PDCD6IP: variants seen among roughly 807,000 people sequenced by gnomAD.
PDCD6IP encodes programmed cell death 6 interacting protein.
Under a neutral mutation model 103.7 loss-of-function variants are expected in PDCD6IP, and 43 were observed. The observed-to-expected ratio is 0.41, with a 90% CI of 0.32 to 0.53. The LOEUF is 0.53. Among genes scored for constraint, PDCD6IP ranks in the 20% least tolerant of loss-of-function variants. The probability of loss-of-function intolerance (pLI) is 0.16; values close to 1 mark genes in which losing one functional copy is unlikely to be tolerated. For missense variants in PDCD6IP, 871 were observed against 1,036.7 expected (o/e 0.84, Z 2.20); for synonymous variants, 354 against 378.7 (o/e 0.93, Z 0.76).
intron 15 of PDCD6IP, among the ~76,000 whole-genome samples, chr3:33,861,537 A>G (rs1201605720): frequency 6.6e-6 from 1 of 152,234 alleles, no homozygotes; most frequent in Non-Finnish European, 1.5e-5. Flanking sequence ...TGTATTAGAC[A>G]GTACATGCTT....
chr3:33,841,433 CTTTTTTTTTTTTTT>C (rs1301369045), intron 9 of PDCD6IP, among the ~76,000 whole-genome samples: 2 of 60,954 alleles, frequency 3.3e-5, no homozygotes, highest in Non-Finnish European at 2.9e-5. Context: ...CTTTGCTTTG[CTTTTTTTTTTTTTT>C]TTTTTTTTTG....
chr3:33,827,112 A>G (rs888129735), intron 6 of PDCD6IP: 3 of 985,334 alleles, frequency 3.0e-6, no homozygotes, highest in African/African-American at 3.5e-5. Flanking sequence ...GAAAGCAACC[A>G]TCTTAAACCA....
chr3:33,826,662 A>T lies in PDCD6IP; in HGVS notation c.717+82A>T, dbSNP rs1349627369. The T allele has an allele frequency of 1.9e-6, 3 of 1,556,062 alleles. No individual in the cohort carries two copies. The South Asian group carries it at 3.5e-5, about 18-fold the overall frequency. On this transcript the variant is annotated intron_variant, in intron 6 of 17. Coordinates refer to ENST00000307296, the MANE Select transcript of PDCD6IP (RefSeq NM_013374.6). ...TTTTGTGTATAAGAAGCAAGTTGAA[A>T]CTTATAAAGAAATTTGAAGTTTTAA...
rs778425415 is a variant in PDCD6IP, at chr3:33,836,229, T to C, written c.1020T>C (p.Ser340=). 8 of 1,612,178 alleles carry C rather than the reference T, an allele frequency of 5.0e-6. No individual in the cohort carries two copies. In the African/African-American group the frequency reaches 8.0e-5, roughly 16 times the overall value. ...TTGGCAAAGCCACACTTGTGAAATC[T>C]ACCCCGGTCAATGTACCCATCAGTC... ...DPIGKATLVK[S]TPVNVPISQK... The change falls in exon 8 of 18, where the codon TCT becomes TCC. Residue 340 remains serine (S), a synonymous_variant. Coordinates refer to ENST00000307296, the MANE Select transcript of PDCD6IP (RefSeq NM_013374.6).
chr3:33,836,315 C>T, intron 8 of PDCD6IP, 49 bp downstream of exon 8: 1 of 1,066,222 alleles, frequency 9.4e-7, no homozygotes, highest in Non-Finnish European at 1.4e-6. Flanking sequence ...CTCTAGTTTA[C>T]TCTGTTTTTC....
intron 15 of PDCD6IP, 75 bp from the exon 16 acceptor site, chr3:33,863,931 A>G: frequency 1.1e-6 from 1 of 946,988 alleles, no homozygotes; most frequent in Non-Finnish European, 1.7e-6. Flanking sequence ...ATGTATGAAG[A>G]AAAGAAAAGC....
At chr3:33,815,083 C>T (rs867421890) in intron 3 of PDCD6IP, among the ~76,000 whole-genome samples, 43 of 148,296 alleles carry the variant, frequency 2.9e-4, no homozygotes, top group Middle Eastern at 7.7e-3. Flanking sequence ...ATAGTATGTG[C>T]ATACCATATA....
chr3:33,835,857 C>T (rs989870273), intron 7 of PDCD6IP, among the ~76,000 whole-genome samples, 187 bp from the exon 8 acceptor site: 1 of 152,124 alleles, frequency 6.6e-6, no homozygotes, highest in Admixed American at 6.5e-5. Flanking sequence ...TATGTATTAT[C>T]CTTCAGTTTT....
At chr3:33,860,149 A>G (rs1273468945) in intron 15 of PDCD6IP, among the ~76,000 whole-genome samples, 1 of 152,224 alleles carries the variant, frequency 6.6e-6, no homozygotes, top group East Asian at 1.9e-4. Flanking sequence ...ATTCTAAGGA[A>G]GAAAGATTGG....
chr3:33,845,419 A>C lies in PDCD6IP; in HGVS notation c.1472A>C (p.Glu491Ala). 1.2e-6 allele frequency: 2 copies of C among 1,610,768 alleles called. No individual in the cohort carries two copies. The highest frequency in any genetic ancestry group is 1.7e-6 in the Non-Finnish European group (2 of 1,178,114). Residue 491 changes from glutamate (E) to alanine (A), a missense_variant and splice_region_variant, in exon 12 of 18, where the codon GAG (glutamate) becomes GCG (alanine). By Grantham distance (107) the Glu-to-Ala change is moderately radical. Around this residue, in one of 5 missense-constraint regions of PDCD6IP, gnomAD observed 266 missense variants for 390.5 expected, o/e 0.68. Coordinates refer to ENST00000307296, the MANE Select transcript of PDCD6IP (RefSeq NM_013374.6). ...TCTGCAAACTTTTATTTTCTCCCAG[A>C]GGGAACCAACTTCAGAACAGTTTTA... ...SNELYKPLRA[E>A]GTNFRTVLDK...
At chr3:33,858,087 G>T (rs1320942151) in intron 15 of PDCD6IP, among the ~76,000 whole-genome samples, 1 of 152,136 alleles carries the variant, frequency 6.6e-6, no homozygotes, top group African/African-American at 2.4e-5. Context: ...TATTACTGAA[G>T]TTGTTGATCA....
intron 7 of PDCD6IP, among the ~76,000 whole-genome samples, chr3:33,834,711 T>C (rs1307658329): frequency 1.3e-5 from 2 of 152,346 alleles, no homozygotes; most frequent in East Asian, 1.9e-4. Context: ...TTTTCTAGTA[T>C]TAAACCATTT....
intron 1 of PDCD6IP, chr3:33,799,592 A>C (rs1696422254): frequency 6.7e-6 from 1 of 148,924 alleles, no homozygotes; most frequent in Non-Finnish European, 1.5e-5. Flanking sequence ...CAGTAGAGTA[A>C]ATTTGTTATT....
intron 8 of PDCD6IP, among the ~76,000 whole-genome samples, chr3:33,836,712 A>G (rs1425840872): frequency 2.7e-5 from 4 of 150,370 alleles, no homozygotes; most frequent in Non-Finnish European, 5.9e-5. Context: ...AAAAAAAATT[A>G]ACTGGGCATG....
chr3:33,828,561 A>G (rs1330652158), intron 6 of PDCD6IP: 2 of 200,332 alleles, frequency 1.0e-5, no homozygotes, highest in African/African-American at 4.7e-5. Flanking sequence ...TTGTAAACAA[A>G]ATGTTGACTT....
At chr3:33,823,254 T>A (rs1256982355) in intron 4 of PDCD6IP, among the ~76,000 whole-genome samples, 10 of 152,154 alleles carry the variant, frequency 6.6e-5, no homozygotes, top group Non-Finnish European at 1.3e-4. Flanking sequence ...CTTCCACTGT[T>A]TCACTCCCAA....
At position 33,822,065 on chromosome 3, in the gene PDCD6IP, G is replaced by T. The variant is rs368375025; in HGVS notation, c.445G>T (p.Ala149Ser). 4.8e-5 allele frequency: 78 copies of T among 1,613,914 alleles called. No individual in the cohort carries two copies. The highest frequency in any genetic ancestry group is 6.4e-5 in the Non-Finnish European group (75 of 1,179,970). Residue 149 changes from alanine (A) to serine (S), a missense_variant, in exon 4 of 18, where the codon GCT becomes TCT. Transcript: ENST00000307296. ...NLDNDEGLKI[A>S]AKHYQFASGA... ...GGATAATGATGAAGGATTGAAAATC[G>T]CTGCTAAACATTACCAGGTATGCTG...
Position 33,866,694 on chromosome 3 carries a change from A to G in PDCD6IP, c.*169A>G. On this transcript the variant is annotated 3_prime_UTR_variant, in exon 18 of 18. Coordinates refer to ENST00000307296, the MANE Select transcript of PDCD6IP (RefSeq NM_013374.6). ...AAGCTGTGCCCCAGTTCCACATTTG[A>G]TTACACATGTGAGATTTGCTGCTGT... 1 of 452,648 alleles carries G rather than the reference A, an allele frequency of 2.2e-6. No homozygotes were observed. Among genetic ancestry groups the G allele is most frequent in the Non-Finnish European group, 3.8e-6 (1 of 262,750 alleles). 28.0% of individuals were successfully genotyped at this position (452,648 alleles called of 1,614,324 possible). A position where few individuals can be genotyped will look rare whatever the true frequency, so the allele number is the denominator to read the frequency against.
At chr3:33,803,155 G>A (rs1696514037) in intron 1 of PDCD6IP, among the ~76,000 whole-genome samples, 1 of 152,224 alleles carries the variant, frequency 6.6e-6, no homozygotes, top group South Asian at 2.1e-4. Flanking sequence ...GGTTTTGGCG[G>A]GGAGCAAAGA....
Sources: gnomAD v4.1 joint callset for allele counts (sites outside exome capture counted in the v4.1 genomes callset) on GRCh38, gnomAD v4.1.1 for gene constraint, gnomAD v4.1.1 regional missense constraint, MANE v1.5 for transcripts, NCBI Gene and HGNC (gene_info 2026-07-23, HGNC 2026-07-21) for gene names.